Variants in UNC13C observed in about 807,000 individuals in gnomAD.
The protein encoded by UNC13C is unc-13 homolog C, also known as protein unc-13 homolog C.
A neutral mutation model predicts 245.4 loss-of-function variants in UNC13C; 174 were observed. The ratio of observed to expected loss-of-function variants is 0.71; its 90% CI spans 0.63 to 0.80. The LOEUF is 0.80. Among genes scored for constraint, UNC13C ranks in the 30% least tolerant of loss-of-function variants. The pLI is 0.00. For missense variants in UNC13C, 2,829 were observed against 2,602.9 expected (o/e 1.09, Z -1.89); for synonymous variants, 992 against 895.1 (o/e 1.11, Z -1.93).
At chr15:54,223,518 G>C (rs1374972773) in intron 4 of UNC13C, among the ~76,000 whole-genome samples, 1 of 152,044 alleles carries the variant, frequency 6.6e-6, no homozygotes, top group South Asian at 2.1e-4. Flanking sequence ...TTGGAAGTCA[G>C]ATAAGGTGAT....
chr15:53,900,333 T>G, the UNC13C span, among the ~76,000 whole-genome samples: 5 of 152,256 alleles, frequency 3.3e-5, no homozygotes, highest in African/African-American at 1.2e-4. Context: ...GAGGGCCTGA[T>G]GTATGAATAT....
chr15:54,394,571 G>A (rs968063421), intron 18 of UNC13C, among the ~76,000 whole-genome samples: 1 of 151,832 alleles, frequency 6.6e-6, no homozygotes, highest in African/African-American at 2.4e-5. Context: ...GGACAGAGTA[G>A]TTTTCTGAAA....
At chr15:54,227,981 C>G (rs1288694825) in intron 4 of UNC13C, among the ~76,000 whole-genome samples, 1 of 152,184 alleles carries the variant, frequency 6.6e-6, no homozygotes, top group African/African-American at 2.4e-5. Context: ...AGATGCCATC[C>G]AGGAGCTGGA....
At chr15:54,554,228 G>A (rs1380783655) in intron 28 of UNC13C, among the ~76,000 whole-genome samples, 2 of 151,902 alleles carry the variant, frequency 1.3e-5, no homozygotes, top group Non-Finnish European at 2.9e-5. Flanking sequence ...AGGAGTGAGC[G>A]AGACATAGAT....
rs1292892891 is a variant in UNC13C at position 54,118,211 on chromosome 15, T to C, written c.2984-24807T>C. Among the ~76,000 whole-genome samples, 6 of 152,292 alleles carry C rather than the reference T, an allele frequency of 3.9e-5. No individual in the cohort carries two copies. The East Asian group carries it at 1.2e-3, about 29-fold the overall frequency. On this transcript the variant is annotated intron_variant, in intron 2 of 32. Transcript: ENST00000260323. ...TGTGAAAATAGTATTGGCATTTTCA[T>C]AGTGAGTATATTTAATCTGTGGATT... is the stretch of plus-strand genomic sequence containing the variant.
intron 8 of UNC13C, among the ~76,000 whole-genome samples, chr15:54,262,765 AATATTCATATCTTTT>A (rs1189105812): frequency 6.6e-6 from 1 of 152,098 alleles, no homozygotes; most frequent in Admixed American, 6.5e-5. Context: ...CTACCACTGG[AATATTCATATCTTTT>A]AGCTTCCTCT....
intron 2 of UNC13C, among the ~76,000 whole-genome samples, chr15:54,130,577 C>T (rs1455626668): frequency 1.3e-5 from 2 of 152,098 alleles, no homozygotes; most frequent in East Asian, 3.9e-4. Flanking sequence ...CAGGCGTGAG[C>T]CACTGCGCCC....
At chr15:54,342,556 A>G (rs2038759501) in intron 17 of UNC13C, among the ~76,000 whole-genome samples, 1 of 142,080 alleles carries the variant, frequency 7.0e-6, no homozygotes, top group Admixed American at 7.5e-5. Context: ...GCAAGACCCT[A>G]TCTCTATTTA....
chr15:54,041,175 T>C (rs1373866516), intron 2 of UNC13C, among the ~76,000 whole-genome samples: 2 of 152,202 alleles, frequency 1.3e-5, no homozygotes, highest in Non-Finnish European at 2.9e-5. Context: ...TATAAGATGG[T>C]AGTATATATA....
At chr15:54,043,560 T>C (rs1201118961) in intron 2 of UNC13C, among the ~76,000 whole-genome samples, 1 of 152,222 alleles carries the variant, frequency 6.6e-6, no homozygotes. Context: ...GGAGCAAAGA[T>C]GTATGACAGA....
At chr15:54,227,322 T>C (rs938002835) in intron 4 of UNC13C, among the ~76,000 whole-genome samples, 1 of 152,068 alleles carries the variant, frequency 6.6e-6, no homozygotes. Context: ...CACCCAGAAC[T>C]GGCAGCCCAG....
chr15:53,965,805 G>C, the UNC13C span, among the ~76,000 whole-genome samples: 1 of 151,976 alleles, frequency 6.6e-6, no homozygotes, highest in Non-Finnish European at 1.5e-5. Flanking sequence ...CTATGAGTGA[G>C]AATATGCGGT....
intron 19 of UNC13C, among the ~76,000 whole-genome samples, chr15:54,433,540 A>T (rs1295153123): frequency 6.6e-6 from 1 of 152,124 alleles, no homozygotes; most frequent in Admixed American, 6.6e-5. Context: ...ATACCCCTTC[A>T]TGCTAAAAAC....
intron 7 of UNC13C, 71 bp downstream of exon 7, chr15:54,237,761 C>T (rs371341650): frequency 5.7e-6 from 7 of 1,226,058 alleles, no homozygotes; most frequent in South Asian, 5.2e-5. Context: ...AACTGTTCTG[C>T]TTGAGCTACT....
chr15:53,946,710 T>G, the UNC13C span, among the ~76,000 whole-genome samples: 3 of 149,040 alleles, frequency 2.0e-5, no homozygotes, highest in Non-Finnish European at 3.0e-5. Context: ...CATGACAGGT[T>G]ATTGAATTTT....
At chr15:54,070,556 A>G (rs1319172335) in intron 2 of UNC13C, among the ~76,000 whole-genome samples, 2 of 152,052 alleles carry the variant, frequency 1.3e-5, no homozygotes, top group African/African-American at 4.8e-5. Flanking sequence ...TTGTCTACAG[A>G]CCTGTTTTGT....
intron 29 of UNC13C, among the ~76,000 whole-genome samples, chr15:54,567,541 T>C (rs1336009346): frequency 6.6e-6 from 1 of 152,212 alleles, no homozygotes; most frequent in East Asian, 1.9e-4. Context: ...TGATCTCATT[T>C]GTTTAAAATC....
chr15:54,123,889 T>C (rs2030851892), intron 2 of UNC13C, among the ~76,000 whole-genome samples: 1 of 152,302 alleles, frequency 6.6e-6, no homozygotes, highest in East Asian at 1.9e-4. Flanking sequence ...CAACTGCTAA[T>C]GTGTTTTTTA....
chr15:54,151,136 C>G (rs1157843507), intron 4 of UNC13C, among the ~76,000 whole-genome samples: 2 of 152,060 alleles, frequency 1.3e-5, no homozygotes, highest in Non-Finnish European at 2.9e-5. Context: ...CACGGTTGAT[C>G]AGGGATACTG....
Sources: gnomAD v4.1 joint callset for allele counts (sites outside exome capture counted in the v4.1 genomes callset) on GRCh38, gnomAD v4.1.1 for gene constraint, MANE v1.5 for transcripts, NCBI Gene and HGNC (gene_info 2026-07-23, HGNC 2026-07-21) for gene names.